The following IGSF9B variants were observed in gnomAD, a reference collection of about 807,000 sequenced individuals.
IGSF9B encodes the protein protein turtle homolog B.
A neutral mutation model predicts 143.7 loss-of-function variants in IGSF9B; 48 were observed. The observed-to-expected ratio is 0.33, with a 90% confidence interval of 0.26 to 0.42. The LOEUF is 0.42. Ranked by LOEUF, IGSF9B falls within the 20% of genes least tolerant of loss-of-function variation. The pLI is 1.00. For missense variants in IGSF9B, 1,706 were observed against 1,980.0 expected (o/e 0.86, Z 2.63); for synonymous variants, 903 against 833.1 (o/e 1.08, Z -1.44).
In IGSF9B at chr11:133,948,056, C is replaced by CGTGTGTGTGTGT. The variant is rs71038546; in HGVS notation, c.65-1810_65-1799dup. On this transcript the variant is annotated intron_variant, in intron 1 of 19. Transcript: ENST00000533871. This position sits in a 1 kb window ranked among gnomAD's most constrained non-coding sequence, Gnocchi z 4.7. Reference sequence around the variant, plus strand: ...CTGTTTCTGTCTACCAGCATGTGTGCGTGTGTGTGTGTGTGTGTGTGTGTG... The same window carrying CGTGTGTGTGTGT: ...CTGTTTCTGTCTACCAGCATGTGTGCGTGTGTGTGTGTGTGTGTGTGTGTGTGTGTGTGTGTG... Among the ~76,000 whole-genome samples, 243 of 147,290 alleles carry CGTGTGTGTGTGT rather than the reference C, an allele frequency of 1.6e-3. No individual in the cohort carries two copies. The highest frequency in any genetic ancestry group is 6.0e-3 in the African/African-American group (235 of 39,184).
chr11:133,929,646 C>T lies in IGSF9B; in HGVS notation c.1631+25G>A, dbSNP rs372671694. 6.7e-5 allele frequency: 101 copies of T among 1,511,366 alleles called. No homozygotes were observed. In the African/African-American group the frequency reaches 7.8e-4, roughly 12 times the overall value. The allele number at this position is 1,511,366 out of a possible 1,614,324, so 93.6% of individuals were successfully genotyped here. A position where few individuals can be genotyped will look rare whatever the true frequency, so the allele number is the denominator to read the frequency against. On this transcript the variant is annotated intron_variant, in intron 12 of 19. Coordinates refer to ENST00000533871, the MANE Select transcript of IGSF9B (RefSeq NM_001277285.4). Reference sequence around the variant, plus strand: ...GGGAGAAGCAGAGAGCAAAGCATGCCGGGGTGACTCACAGAGGTCCGTACC... The same window carrying T: ...GGGAGAAGCAGAGAGCAAAGCATGCTGGGGTGACTCACAGAGGTCCGTACC...
intron 3 of IGSF9B, among the ~76,000 whole-genome samples, chr11:133,940,498 T>C (rs147462277): frequency 0.01 from 838 of 80,810 alleles, 8 homozygotes; most frequent in Non-Finnish European, 0.015. Context: ...ACATACACCT[T>C]GCACATCCTC....
chr11:133,927,777 T>A (rs984146257), intron 12 of IGSF9B, among the ~76,000 whole-genome samples: 7 of 152,164 alleles, frequency 4.6e-5, no homozygotes, highest in Non-Finnish European at 7.4e-5. Flanking sequence ...TGCTGCCACG[T>A]CACCACAGGG....
At chr11:133,930,830 C>A (rs181411028) in intron 11 of IGSF9B, among the ~76,000 whole-genome samples, 154 bp downstream of exon 11, 5 of 152,236 alleles carry the variant, frequency 3.3e-5, no homozygotes, top group East Asian at 2.0e-4. Flanking sequence ...GCAAAGGCTG[C>A]CGGTGCTGGA....
chr11:133,936,142 C>G lies in IGSF9B; in HGVS notation c.732G>C (p.Gln244His). The change falls in exon 6 of 20, where the codon CAG becomes CAC. Residue 244 changes from glutamine to histidine, a missense_variant. Physicochemically the swap from Gln to His is conservative, Grantham distance 24 (BLOSUM62 0). Transcript: ENST00000533871. The part of the protein sequence containing the change: ...PPENITVNIS[Q>H]DALLTCRAEA... ...CTGCCCGGCAGGTGAGCAGAGCATC[C>G]TGGGAGATGTTGACGGTGATGTTCT... is the stretch of plus-strand genomic sequence containing the variant. 6.2e-7 allele frequency: 1 copy of G among 1,612,880 alleles called. No individual in the cohort carries two copies. The highest frequency in any genetic ancestry group is 8.5e-7 in the Non-Finnish European group (1 of 1,179,482).
rs756787214 is a variant in IGSF9B at position 133,921,150 on chromosome 11, C to T, written c.2575G>A (p.Val859Met). ...LISRGPDGRFVMDPAEMEPSL... is the reference protein window; with the variant it reads ...LISRGPDGRFMMDPAEMEPSL... ...GGCTCCATCTCGGCAGGGTCCATCA[C>T]GAAGCGGCCGTCAGGGCCTCTGCTG... Residue 859 changes from valine (V) to methionine (M), a missense_variant, in exon 18 of 20, where the codon GTG (valine) becomes ATG (methionine). By Grantham distance (21) the Val-to-Met change is conservative. Transcript: ENST00000533871. 13 of 1,612,970 alleles carry T rather than the reference C, an allele frequency of 8.1e-6. No individual in the cohort carries two copies. Among genetic ancestry groups the T allele is most frequent in the South Asian group, 5.5e-5 (5 of 91,066 alleles).
At position 133,920,887 on chromosome 11, in the gene IGSF9B, C is replaced by T; in HGVS notation, c.2838G>A (p.Arg946=). ...GCCGGGCCTGGCCTGTGGCCTGAAGCCGACCTTCCAGGCCACCGGGGCCCT... is the reference window on the plus strand; with the variant it reads ...GCCGGGCCTGGCCTGTGGCCTGAAGTCGACCTTCCAGGCCACCGGGGCCCT... The part of the protein sequence containing the change: ...GLEGPGGLEG[R]LQATGQARPP... The change falls in exon 18 of 20, where the codon CGG becomes CGA. Residue 946 remains arginine (R), a synonymous_variant. Coordinates refer to ENST00000533871, the MANE Select transcript of IGSF9B (RefSeq NM_001277285.4). The T allele has an allele frequency of 6.2e-7, 1 of 1,607,102 alleles. No individual in the cohort carries two copies.
In IGSF9B at chr11:133,933,472, G is replaced by A. The variant is rs112713055; in HGVS notation, c.968-1259C>T. 2.3e-3 allele frequency among the ~76,000 whole-genome samples: 351 copies of A among 152,356 alleles called. 3 individuals are homozygous for A. The highest frequency in any genetic ancestry group is 7.8e-3 in the African/African-American group (325 of 41,596). On this transcript the variant is annotated intron_variant, in intron 7 of 19. Coordinates refer to ENST00000533871, the MANE Select transcript of IGSF9B (RefSeq NM_001277285.4). ...GCTGAAATGCTGAATCAGGCCAGGTGCAGTGGCTCACACCTGTAATCTCAA... is the reference window on the plus strand; with the variant it reads ...GCTGAAATGCTGAATCAGGCCAGGTACAGTGGCTCACACCTGTAATCTCAA...
intron 3 of IGSF9B, among the ~76,000 whole-genome samples, chr11:133,942,700 C>T (rs1326842969): frequency 1.3e-5 from 2 of 152,274 alleles, no homozygotes; most frequent in East Asian, 1.9e-4. Flanking sequence ...GAGGTTTTAG[C>T]GGCAGATTTG....
chr11:133,920,910 C>A lies in IGSF9B; in HGVS notation c.2815G>T (p.Gly939Cys), dbSNP rs771896150. The change falls in exon 18 of 20, where the codon GGC becomes TGC. Residue 939 changes from glycine (G) to cysteine (C), a missense_variant. Gly to Cys is a radical substitution (Grantham distance 159). Transcript: ENST00000533871. ...SPRFQPRGLE[G>C]PGGLEGRLQA... ...AGCCGACCTTCCAGGCCACCGGGGC[C>A]CTCCAGCCCGCGGGGCTGGAACCGA... 50 of 1,608,970 alleles carry A rather than the reference C, an allele frequency of 3.1e-5. No homozygotes were observed. The highest frequency in any genetic ancestry group is 5.0e-5 in the Admixed American group (3 of 59,872).
chr11:133,950,566 G>T (rs567600214), intron 1 of IGSF9B, among the ~76,000 whole-genome samples: 2 of 152,208 alleles, frequency 1.3e-5, no homozygotes, highest in Admixed American at 1.3e-4. Context: ...CAACCCAGGC[G>T]CCGGGATCAA....
Position 133,926,926 on chromosome 11 carries a change from C to A in IGSF9B, c.1797G>T (p.Val599=). The part of the protein sequence containing the change: ...GTSAFSEVVT[V]NTLAFPITTP... ...ACCCCGGGCCCTCACCTAAAGTGTTCACAGTGACCACCTCACTGAAGGCGC... is the reference window on the plus strand; with the variant it reads ...ACCCCGGGCCCTCACCTAAAGTGTTAACAGTGACCACCTCACTGAAGGCGC... The change falls in exon 13 of 20, where the codon GTG becomes GTT. Residue 599 remains valine (V), a synonymous_variant. Coordinates refer to ENST00000533871, the MANE Select transcript of IGSF9B (RefSeq NM_001277285.4). The A allele has an allele frequency of 6.3e-7, 1 of 1,594,684 alleles. No individual in the cohort carries two copies. The highest frequency in any genetic ancestry group is 1.1e-5 in the South Asian group (1 of 87,508).
intron 19 of IGSF9B, among the ~76,000 whole-genome samples, chr11:133,911,216 T>C (rs626583): frequency 0.3 from 45,245 of 152,082 alleles, 7,604 homozygotes; most frequent in Middle Eastern, 0.47. Flanking sequence ...TTCTAGTCCT[T>C]AAGAGGGCTA....
chr11:133,926,702 A>G (rs1400267733), intron 13 of IGSF9B, among the ~76,000 whole-genome samples: 1 of 152,212 alleles, frequency 6.6e-6, no homozygotes, highest in East Asian at 1.9e-4. Flanking sequence ...CCACCTGAAA[A>G]AGCAACAGGA....
intron 1 of IGSF9B, among the ~76,000 whole-genome samples, chr11:133,954,847 G>A (rs1940221103): frequency 1.3e-5 from 2 of 152,142 alleles, no homozygotes; most frequent in Admixed American, 1.3e-4. Context: ...AGCCATTCCA[G>A]ACAGAAGGAC....
chr11:133,935,666 G>A lies in IGSF9B; in HGVS notation c.918C>T (p.Ser306=), dbSNP rs776193106. The change falls in exon 7 of 20, where the codon AGC becomes AGT. Residue 306 remains serine (S), a synonymous_variant. Transcript: ENST00000533871. ...CGGAGGGGGAGCGCCCCAGGCTGTT[G>A]CTGGGCACACAGGTGTACTTCCCCG... The part of the protein sequence containing the change: ...EDSGKYTCVP[S]NSLGRSPSAS... 14 of 1,610,650 alleles carry A rather than the reference G, an allele frequency of 8.7e-6. No individual in the cohort carries two copies. The highest frequency in any genetic ancestry group is 3.3e-4 in the Middle Eastern group (2 of 6,058).
chr11:133,942,393 C>T (rs1939968469), intron 3 of IGSF9B, among the ~76,000 whole-genome samples: 2 of 152,152 alleles, frequency 1.3e-5, no homozygotes, highest in Admixed American at 6.5e-5. Context: ...TTAAAGGTCT[C>T]GCTCCATGCT....
rs754452742 is a variant in IGSF9B at position 133,931,114 on chromosome 11, G to C, written c.1389C>G (p.Ser463Arg). Reference protein sequence around the residue: ...TWRKVGKPSRSKHSALPSGSL... With the variant: ...TWRKVGKPSRRKHSALPSGSL... ...TCCCACTGGGCAGGGCACTGTGCTTGCTTCTGCTGGGCTTCCCTACCTTGG... is the reference window on the plus strand; with the variant it reads ...TCCCACTGGGCAGGGCACTGTGCTTCCTTCTGCTGGGCTTCCCTACCTTGG... Residue 463 changes from serine to arginine, a missense_variant, in exon 11 of 20, where the codon AGC becomes AGG. By Grantham distance (110) the Ser-to-Arg change is moderately radical (BLOSUM62 -1). Coordinates refer to ENST00000533871, the MANE Select transcript of IGSF9B (RefSeq NM_001277285.4). The surrounding 1 kb of genome is among the most constrained non-coding windows in gnomAD (Gnocchi z 7.7). The C allele has an allele frequency of 6.2e-7, 1 of 1,613,164 alleles. No homozygotes were observed. Among genetic ancestry groups the C allele is most frequent in the South Asian group, 1.1e-5 (1 of 91,024 alleles).
In IGSF9B at chr11:133,925,956, A is replaced by C; in HGVS notation, c.1817T>G (p.Ile606Ser). The change falls in exon 14 of 20, where the codon ATT becomes AGT. Residue 606 changes from isoleucine (I) to serine (S), a missense_variant. Physicochemically the swap from Ile to Ser is moderately radical, Grantham distance 142. Transcript: ENST00000533871. ...CAGCACCAGGGGTTCTGGAGTTGTAATAGGGAATGCTGCGGCGGGGGAAGG... is the reference window on the plus strand; with the variant it reads ...CAGCACCAGGGGTTCTGGAGTTGTACTAGGGAATGCTGCGGCGGGGGAAGG... ...VVTVNTLAFP[I>S]TTPEPLVLVT... 1 of 1,600,224 alleles carries C rather than the reference A, an allele frequency of 6.2e-7. No homozygotes were observed. Among genetic ancestry groups the C allele is most frequent in the Non-Finnish European group, 8.5e-7 (1 of 1,173,124 alleles).
Sources: gnomAD v4.1 joint callset for allele counts (sites outside exome capture counted in the v4.1 genomes callset) on GRCh38, gnomAD v4.1.1 for gene constraint, Gnocchi (gnomAD v3.1) non-coding constraint, MANE v1.5 for transcripts, NCBI Gene and HGNC (gene_info 2026-07-23, HGNC 2026-07-21) for gene names.